CLEC16A: variants seen among roughly 807,000 people sequenced by gnomAD.
The protein encoded by CLEC16A is protein CLEC16A.
In CLEC16A, 51 loss-of-function variants were observed where a neutral mutation model predicts 109.5. The ratio of observed to expected loss-of-function variants is 0.47; its 90% CI spans 0.37 to 0.59. The LOEUF (loss-of-function observed/expected upper bound fraction) is 0.59. CLEC16A is among the 20% of genes least tolerant of loss of function. CLEC16A has a pLI of 0.00. For missense variants in CLEC16A, 1,339 were observed against 1,394.0 expected, an observed-to-expected ratio of 0.96 and a Z score of 0.63; for synonymous variants, 673 against 564.2, an observed-to-expected ratio of 1.19 and a Z score of -2.73.
rs925687366 is a variant in CLEC16A, at chr16:11,180,251, A to T, written c.*1561A>T. The T allele has an allele frequency of 6.6e-6, 1 of 152,416 alleles. No homozygotes were observed. The highest frequency in any genetic ancestry group is 2.4e-5 in the African/African-American group (1 of 41,470). 9.4% of individuals were successfully genotyped at this position (152,416 alleles called of 1,614,324 possible). A position where few individuals can be genotyped will look rare whatever the true frequency, so the allele number is the denominator to read the frequency against. ...GGCAGTTTTCAACCTCATGAAGGAAACACAGTCCTGCCAAGGAGGGGGAGT... is the reference window on the plus strand; with the variant it reads ...GGCAGTTTTCAACCTCATGAAGGAATCACAGTCCTGCCAAGGAGGGGGAGT... On this transcript the variant is annotated 3_prime_UTR_variant, in exon 24 of 24. Transcript: ENST00000409790.
chr16:10,970,879 G>A (rs2042749871), intron 4 of CLEC16A, among the ~76,000 whole-genome samples: 1 of 152,200 alleles, frequency 6.6e-6, no homozygotes, highest in African/African-American at 2.4e-5. Flanking sequence ...CTCCCAAGTA[G>A]CTGGTACTAT....
At chr16:11,036,544 CT>C (rs71404440) in intron 13 of CLEC16A, among the ~76,000 whole-genome samples, 2,278 of 131,044 alleles carry the variant, frequency 0.017, 22 homozygotes, top group African/African-American at 0.06. Flanking sequence ...TCTAATTTTC[CT>C]TTTTTTTTTT....
chr16:11,103,100 G>A (rs556549939), intron 19 of CLEC16A, among the ~76,000 whole-genome samples: 4 of 152,180 alleles, frequency 2.6e-5, no homozygotes, highest in Admixed American at 2.0e-4. Flanking sequence ...ACCTTCTGGC[G>A]GAAATGAGGT....
chr16:11,003,048 C>T (rs916524162), intron 10 of CLEC16A, 26 bp from the exon 11 acceptor site: 2 of 1,572,624 alleles, frequency 1.3e-6, no homozygotes, highest in African/African-American at 2.7e-5. Flanking sequence ...TCAAATTCAC[C>T]TGTTGCCTTC....
intron 13 of CLEC16A, among the ~76,000 whole-genome samples, chr16:11,032,629 C>T (rs2046809588): frequency 6.6e-6 from 1 of 152,134 alleles, no homozygotes; most frequent in Admixed American, 6.5e-5. Context: ...GCAGGGGTTA[C>T]TAGGTGCTAG....
chr16:11,028,781 G>A (rs981705045), intron 13 of CLEC16A, among the ~76,000 whole-genome samples: 2 of 152,286 alleles, frequency 1.3e-5, no homozygotes, highest in Admixed American at 6.5e-5. Context: ...TCCCTTTCCA[G>A]TCATTGATTT....
intron 22 of CLEC16A, chr16:11,150,219 CAT>C (rs1320440840): frequency 2.0e-5 from 3 of 152,210 alleles, no homozygotes; most frequent in Admixed American, 6.5e-5. Flanking sequence ...AATTCCAAGA[CAT>C]ATCTGGCCAC....
At chr16:11,140,595 C>G (rs183877225) in intron 22 of CLEC16A, among the ~76,000 whole-genome samples, 1 of 152,110 alleles carries the variant, frequency 6.6e-6, no homozygotes, top group Admixed American at 6.5e-5. Context: ...TCTGGCCTGT[C>G]CTCCTGTCCC....
At chr16:11,060,766 A>G (rs1222090565) in intron 18 of CLEC16A, 136 bp from the exon 19 acceptor site, 2 of 904,536 alleles carry the variant, frequency 2.2e-6, no homozygotes, top group Non-Finnish European at 3.1e-6. Flanking sequence ...CAGAATCAAA[A>G]CACCCGAAGA....
intron 13 of CLEC16A, among the ~76,000 whole-genome samples, chr16:11,026,012 A>G (rs751510321): frequency 6.6e-6 from 1 of 152,226 alleles, no homozygotes. Context: ...TCACATCATC[A>G]TATTTCAGCA....
chr16:10,996,535 C>G (rs78286936), intron 10 of CLEC16A, among the ~76,000 whole-genome samples: 1 of 152,208 alleles, frequency 6.6e-6, no homozygotes, highest in Admixed American at 6.5e-5. Flanking sequence ...CTGCTGAAGT[C>G]CTGTTGACAT....
intron 1 of CLEC16A, among the ~76,000 whole-genome samples, chr16:10,955,181 G>T (rs532345184): frequency 4.6e-5 from 7 of 152,342 alleles, no homozygotes; most frequent in Admixed American, 4.6e-4. Context: ...CTCTTCACCA[G>T]AGCTCTGTGC....
intron 19 of CLEC16A, among the ~76,000 whole-genome samples, chr16:11,113,709 T>C (rs2051762376): frequency 6.6e-6 from 1 of 152,170 alleles, no homozygotes; most frequent in South Asian, 2.1e-4. Flanking sequence ...TGGAGCTTCT[T>C]TTTCTACTCA....
At position 10,964,088 on chromosome 16, in the gene CLEC16A, G is replaced by A. The variant is rs2146149604; in HGVS notation, c.343+1500G>A. ...AGGCAGGCTCTAAGTCCCCAGGACA[G>A]GTCTGAAAAAAGTCTGCAGTGGGCA... On this transcript the variant is annotated intron_variant, in intron 3 of 23. Coordinates refer to ENST00000409790, the MANE Select transcript of CLEC16A (RefSeq NM_015226.3). Among the ~76,000 whole-genome samples the A allele has an allele frequency of 1.3e-5, 2 of 152,370 alleles. 1 individual carries two copies. The highest frequency in any genetic ancestry group is 4.1e-4 in the South Asian group (2 of 4,832).
intron 19 of CLEC16A, among the ~76,000 whole-genome samples, chr16:11,094,031 A>G (rs1409772297): frequency 6.6e-6 from 1 of 152,124 alleles, no homozygotes; most frequent in African/African-American, 2.4e-5. Flanking sequence ...AGGTCCTATC[A>G]TGTGCTTGTA....
intron 11 of CLEC16A, among the ~76,000 whole-genome samples, chr16:11,008,088 T>G (rs888635467): frequency 6.6e-6 from 1 of 152,164 alleles, no homozygotes; most frequent in Non-Finnish European, 1.5e-5. Flanking sequence ...TCTCGGTCGT[T>G]GTCAGGGGCT....
At chr16:11,087,236 A>G (rs1454674591) in intron 19 of CLEC16A, among the ~76,000 whole-genome samples, 3 of 140,776 alleles carry the variant, frequency 2.1e-5, no homozygotes, top group Non-Finnish European at 3.1e-5. Flanking sequence ...GCTGCCCCCT[A>G]TAGTCTGCAC....
chr16:11,102,877 A>C (rs2051001077), intron 19 of CLEC16A, among the ~76,000 whole-genome samples: 1 of 152,130 alleles, frequency 6.6e-6, no homozygotes, highest in Non-Finnish European at 1.5e-5. Context: ...TGTTAATATC[A>C]CCTCTATTTG....
chr16:11,167,965 C>T (rs773766006), intron 23 of CLEC16A, among the ~76,000 whole-genome samples: 1 of 152,158 alleles, frequency 6.6e-6, no homozygotes, highest in Admixed American at 6.5e-5. Context: ...GTTCATGCAC[C>T]CCAACGCACA....
Sources: gnomAD v4.1 joint callset for allele counts (sites outside exome capture counted in the v4.1 genomes callset) on GRCh38, gnomAD v4.1.1 for gene constraint, MANE v1.5 for transcripts, NCBI Gene and HGNC (gene_info 2026-07-23, HGNC 2026-07-21) for gene names.